MALRD1: variants seen among roughly 807,000 people sequenced by gnomAD.
MALRD1 encodes MAM and LDL-receptor class A domain-containing protein 1.
MALRD1 carries 247 observed loss-of-function variants against 242.1 expected under a neutral mutation model. That is an observed-to-expected ratio of 1.02 (90% CI 0.92 to 1.13). The LOEUF (loss-of-function observed/expected upper bound fraction) is 1.13. MALRD1 is among the 50% of genes most tolerant of loss of function. The pLI, the probability that MALRD1 is intolerant of heterozygous loss-of-function variation, is 0.00. For synonymous variants in MALRD1, 995 were observed against 866.6 expected (o/e 1.15, Z -2.60); for missense variants, 2,989 against 2,533.1 (o/e 1.18, Z -3.86).
chr10:19,551,375 G>A (rs1476698938), intron 32 of MALRD1, among the ~76,000 whole-genome samples: 1 of 152,036 alleles, frequency 6.6e-6, no homozygotes, highest in East Asian at 1.9e-4. Flanking sequence ...ATTGTGAATG[G>A]GATTTTATTC....
chr10:19,688,113 G>A (rs1272018621), intron 36 of MALRD1, among the ~76,000 whole-genome samples: 1 of 152,076 alleles, frequency 6.6e-6, no homozygotes, highest in Non-Finnish European at 1.5e-5. Flanking sequence ...GGGATTACAG[G>A]CACCCGCCAC....
At chr10:19,138,342 A>G (rs995971042) in intron 10 of MALRD1, among the ~76,000 whole-genome samples, 4 of 152,006 alleles carry the variant, frequency 2.6e-5, no homozygotes, top group African/African-American at 9.7e-5. Flanking sequence ...TGTTGGGGAA[A>G]TATTTCTTTC....
intron 26 of MALRD1, among the ~76,000 whole-genome samples, chr10:19,353,627 T>C (rs1276115627): frequency 6.6e-6 from 1 of 152,144 alleles, no homozygotes; most frequent in African/African-American, 2.4e-5. Context: ...GGAAAGCAAA[T>C]AAACATTTTA....
intron 31 of MALRD1, among the ~76,000 whole-genome samples, chr10:19,511,667 A>T (rs1833406300): frequency 6.6e-6 from 1 of 152,204 alleles, no homozygotes; most frequent in Admixed American, 6.5e-5. Flanking sequence ...GAAAATGGTC[A>T]CATTTGGAAT....
rs1174318055 is a variant in MALRD1 at position 19,708,730 on chromosome 10, C to T, written c.6314+16176C>T. Among the ~76,000 whole-genome samples the T allele has an allele frequency of 2.5e-4, 31 of 122,254 alleles. 5 individuals are homozygous for T. The highest frequency in any genetic ancestry group is 7.1e-4 in the African/African-American group (27 of 38,292). The allele number at this position is 122,254 out of a possible 152,430, so 80.2% of individuals were successfully genotyped here. On this transcript the variant is annotated intron_variant, in intron 38 of 39. Transcript: ENST00000454679. ...AGGCTGGAGTGCAGAGGCACGATCT[C>T]GGCTCACCACAACCTCCGCCTCCCA...
chr10:19,553,656 A>G (rs985202474), intron 32 of MALRD1, among the ~76,000 whole-genome samples: 1 of 152,200 alleles, frequency 6.6e-6, no homozygotes, highest in African/African-American at 2.4e-5. Context: ...ATTTATCAGT[A>G]ATATATCTCA....
chr10:19,262,306 A>T (rs1010029072), intron 19 of MALRD1, among the ~76,000 whole-genome samples: 5 of 151,912 alleles, frequency 3.3e-5, no homozygotes, highest in African/African-American at 1.2e-4. Context: ...TCAAACTATT[A>T]GTAATTGACA....
intron 35 of MALRD1, among the ~76,000 whole-genome samples, chr10:19,609,912 A>G (rs1459257896): frequency 6.6e-6 from 1 of 151,982 alleles, no homozygotes; most frequent in African/African-American, 2.4e-5. Flanking sequence ...ATGGGACATT[A>G]TAAATATAAT....
At chr10:19,682,280 G>A (rs1005046201) in intron 36 of MALRD1, among the ~76,000 whole-genome samples, 2 of 152,140 alleles carry the variant, frequency 1.3e-5, no homozygotes, top group Admixed American at 6.5e-5. Context: ...ATGACAATAA[G>A]GGTGGGAGGA....
chr10:19,217,499 G>T (rs79864738), intron 18 of MALRD1, among the ~76,000 whole-genome samples: 2,141 of 147,162 alleles, frequency 0.015, 42 homozygotes, highest in African/African-American at 0.051. Context: ...TCATTCCTTT[G>T]TGCCCTTTGT....
At chr10:19,163,418 G>A (rs1019032518) in intron 12 of MALRD1, among the ~76,000 whole-genome samples, 1 of 150,918 alleles carries the variant, frequency 6.6e-6, no homozygotes, top group South Asian at 2.1e-4. Context: ...ACCAAATACC[G>A]CACGTTCTCA....
chr10:19,236,409 T>C (rs1838319387), intron 18 of MALRD1, among the ~76,000 whole-genome samples: 2 of 152,126 alleles, frequency 1.3e-5, no homozygotes, highest in African/African-American at 4.8e-5. Context: ...CTGTGACCAC[T>C]CAAAAATAAA....
At chr10:19,102,222 A>G (rs1174892128) in intron 4 of MALRD1, among the ~76,000 whole-genome samples, 1 of 150,654 alleles carries the variant, frequency 6.6e-6, no homozygotes, top group East Asian at 1.9e-4. Flanking sequence ...TCCTAGCTAT[A>G]TCTTGGATTC....
intron 28 of MALRD1, among the ~76,000 whole-genome samples, chr10:19,400,789 G>C (rs909276896): frequency 6.6e-6 from 1 of 152,178 alleles, no homozygotes; most frequent in African/African-American, 2.4e-5. Context: ...GCCAAGGCAG[G>C]CAGATCACTT....
At chr10:19,719,310 A>G (rs1834632807) in intron 38 of MALRD1, among the ~76,000 whole-genome samples, 1 of 144,348 alleles carries the variant, frequency 6.9e-6, no homozygotes, top group African/African-American at 2.6e-5. Context: ...TCTGGTTTCT[A>G]TTAGGTGGTT....
At chr10:19,168,255 G>A (rs1834783523) in intron 13 of MALRD1, among the ~76,000 whole-genome samples, 1 of 152,160 alleles carries the variant, frequency 6.6e-6, no homozygotes, top group Non-Finnish European at 1.5e-5. Flanking sequence ...CACAAAGGCT[G>A]GTCATGGAAT....
intron 31 of MALRD1, among the ~76,000 whole-genome samples, chr10:19,501,822 A>C (rs1837985562): frequency 6.6e-6 from 1 of 152,026 alleles, no homozygotes; most frequent in African/African-American, 2.4e-5. Flanking sequence ...GCTTGAACCC[A>C]GCAGTTCGAG....
At chr10:19,642,032 A>C (rs1840408447) in intron 36 of MALRD1, among the ~76,000 whole-genome samples, 1 of 152,206 alleles carries the variant, frequency 6.6e-6, no homozygotes, top group African/African-American at 2.4e-5. Context: ...CATTTGGAGA[A>C]TATTTCTAAG....
intron 1 of MALRD1, among the ~76,000 whole-genome samples, chr10:19,062,662 A>T (rs1214879468): frequency 6.6e-6 from 1 of 152,214 alleles, no homozygotes; most frequent in Non-Finnish European, 1.5e-5. Context: ...GATTCCTCTT[A>T]TGTGAGTTAC....
Sources: allele counts gnomAD v4.1 joint callset (sites outside exome capture counted in the v4.1 genomes callset), GRCh38; gene constraint gnomAD v4.1.1; transcripts MANE v1.5; gene names NCBI Gene and HGNC (gene_info 2026-07-23, HGNC 2026-07-21).